Variants in TAOK1 observed in about 807,000 individuals in gnomAD.
TAOK1 encodes the protein TAO kinase 1, also known as serine/threonine-protein kinase TAO1.
Under a neutral mutation model 138.3 loss-of-function variants are expected in TAOK1, and 21 were observed. That is an observed-to-expected ratio of 0.15 (90% CI 0.11 to 0.22). TAOK1 has a LOEUF of 0.22. Among genes scored for constraint, TAOK1 ranks in the 10% least tolerant of loss-of-function variants. TAOK1 has a pLI of 1.00. For missense variants in TAOK1, 651 were observed against 1,227.7 expected, an observed-to-expected ratio of 0.53 and a Z score of 7.02; for synonymous variants, 361 against 398.4, an observed-to-expected ratio of 0.91 and a Z score of 1.12.
intron 1 of TAOK1, among the ~76,000 whole-genome samples, chr17:29,417,853 T>C (rs1905306423): frequency 6.6e-6 from 1 of 152,168 alleles, no homozygotes; most frequent in South Asian, 2.1e-4. Flanking sequence ...AAGTTTTTAA[T>C]TTTGATAAAC....
intron 19 of TAOK1, among the ~76,000 whole-genome samples, chr17:29,539,360 A>G (rs1438893546): frequency 6.6e-6 from 1 of 152,200 alleles, no homozygotes; most frequent in Non-Finnish European, 1.5e-5. Flanking sequence ...CCTAGGCAAC[A>G]TGGTGAAACC....
At chr17:29,481,832 C>T (rs989276322) in intron 7 of TAOK1, among the ~76,000 whole-genome samples, 16 of 152,054 alleles carry the variant, frequency 1.1e-4, no homozygotes, top group Middle Eastern at 3.4e-3. Flanking sequence ...TGGTGGCGGG[C>T]GCCTGTAGTC....
chr17:29,491,465 A>G (rs138525617), intron 9 of TAOK1, among the ~76,000 whole-genome samples: 8 of 152,164 alleles, frequency 5.3e-5, no homozygotes, highest in Admixed American at 2.0e-4. Flanking sequence ...AAGGAATGTT[A>G]TCTTGGGTTT....
intron 1 of TAOK1, among the ~76,000 whole-genome samples, chr17:29,439,132 G>A (rs1906128687): frequency 6.6e-6 from 1 of 151,522 alleles, no homozygotes; most frequent in Admixed American, 6.6e-5. Context: ...AAATTTAGCA[G>A]CGATATAGTA....
chr17:29,540,982 A>G (rs1313656820), intron 19 of TAOK1, among the ~76,000 whole-genome samples: 1 of 152,010 alleles, frequency 6.6e-6, no homozygotes, highest in Non-Finnish European at 1.5e-5. Flanking sequence ...TGAGATTACT[A>G]GGCATGAGCC....
Position 29,522,181 on chromosome 17 carries a change from G to T in TAOK1, c.1909-99G>T. ...TATGCAACTATAATTGAATAACAGG[G>T]TTAATTACATCTGTTTACTGGTTAT... On this transcript the variant is annotated intron_variant, in intron 16 of 19. Coordinates refer to ENST00000261716, the MANE Select transcript of TAOK1 (RefSeq NM_020791.4). 3.5e-6 allele frequency: 5 copies of T among 1,447,532 alleles called. 1 individual carries two copies. Among genetic ancestry groups the T allele is most frequent in the Non-Finnish European group, 4.7e-6 (5 of 1,070,770 alleles). 89.7% of individuals were successfully genotyped at this position (1,447,532 alleles called of 1,614,324 possible).
intron 3 of TAOK1, among the ~76,000 whole-genome samples, chr17:29,467,939 G>C (rs1382855973): frequency 6.6e-6 from 1 of 150,798 alleles, no homozygotes; most frequent in East Asian, 2.0e-4. Flanking sequence ...CAGTTCCCCT[G>C]CTTCAGCCTC....
chr17:29,464,880 G>A (rs1598492150), intron 2 of TAOK1, among the ~76,000 whole-genome samples: 2 of 148,448 alleles, frequency 1.3e-5, no homozygotes, highest in East Asian at 4.0e-4. Context: ...GAGTGCAGTA[G>A]CGCAATCTCA....
At chr17:29,442,125 C>T (rs1320796228) in intron 1 of TAOK1, among the ~76,000 whole-genome samples, 2 of 151,844 alleles carry the variant, frequency 1.3e-5, no homozygotes, top group African/African-American at 2.4e-5. Flanking sequence ...TCACTACAGC[C>T]TCAACCTCCC....
intron 18 of TAOK1, among the ~76,000 whole-genome samples, chr17:29,533,707 G>A (rs943271609): frequency 7.3e-5 from 11 of 151,512 alleles, no homozygotes; most frequent in African/African-American, 1.2e-4. Context: ...CAGGCGTGGC[G>A]GCGCGCGCCT....
chr17:29,473,153 A>T (rs1357901373), intron 3 of TAOK1, among the ~76,000 whole-genome samples: 3 of 152,212 alleles, frequency 2.0e-5, no homozygotes, highest in African/African-American at 7.2e-5. Flanking sequence ...GAACAAGCAC[A>T]GGCAGAGTAG....
chr17:29,419,239 C>T (rs1445790410), intron 1 of TAOK1, among the ~76,000 whole-genome samples: 1 of 151,776 alleles, frequency 6.6e-6, no homozygotes, highest in Non-Finnish European at 1.5e-5. Flanking sequence ...GCTTATTGAC[C>T]AGGCTGGAGT....
At chr17:29,464,779 C>T (rs1048842090) in intron 2 of TAOK1, among the ~76,000 whole-genome samples, 1 of 150,498 alleles carries the variant, frequency 6.6e-6, no homozygotes, top group Non-Finnish European at 1.5e-5. Context: ...GTCCTTAGTT[C>T]TTCACTGTAC....
At chr17:29,458,089 G>T (rs369005844) in intron 2 of TAOK1, among the ~76,000 whole-genome samples, 1 of 147,560 alleles carries the variant, frequency 6.8e-6, no homozygotes, top group African/African-American at 2.6e-5. Context: ...CAGCCTGGGC[G>T]ACAGAGTGAG....
intron 1 of TAOK1, among the ~76,000 whole-genome samples, chr17:29,431,573 A>G (rs1025338859): frequency 5.3e-5 from 8 of 152,150 alleles, no homozygotes; most frequent in Non-Finnish European, 1.2e-4. Context: ...TTTGAGTTAG[A>G]AATTTCTTTG....
chr17:29,450,296 G>C (rs1309107336), intron 1 of TAOK1, among the ~76,000 whole-genome samples: 1 of 152,118 alleles, frequency 6.6e-6, no homozygotes, highest in African/African-American at 2.4e-5. Flanking sequence ...TGTGTTGTCT[G>C]AGCTGGTCTC....
chr17:29,528,765 A>C (rs886759234), intron 17 of TAOK1, among the ~76,000 whole-genome samples: 4 of 140,824 alleles, frequency 2.8e-5, no homozygotes, highest in African/African-American at 1.1e-4. Flanking sequence ...GATTGAACCC[A>C]GGAGATGGAG....
intron 1 of TAOK1, among the ~76,000 whole-genome samples, chr17:29,412,438 G>GTCCATTCAAGTCCTCT (rs11271752): frequency 0.62 from 93,892 of 151,312 alleles, 30,365 homozygotes; most frequent in East Asian, 0.97. Context: ...CTTTTTCTCT[G>GTCCATTCAAGTCCTCT]TCCATTCAAG....
At chr17:29,427,370 G>A (rs138848620) in intron 1 of TAOK1, among the ~76,000 whole-genome samples, 23 of 150,238 alleles carry the variant, frequency 1.5e-4, no homozygotes, top group Middle Eastern at 3.5e-3. Flanking sequence ...TAAGGCGGGT[G>A]GATCACTTGA....
Sources: allele counts gnomAD v4.1 joint callset (sites outside exome capture counted in the v4.1 genomes callset), GRCh38; gene constraint gnomAD v4.1.1; transcripts MANE v1.5; gene names NCBI Gene and HGNC (gene_info 2026-07-23, HGNC 2026-07-21).